The following SAMD4A variants were observed in gnomAD, a reference collection of about 807,000 sequenced individuals.
SAMD4A encodes the protein sterile alpha motif domain containing 4A.
In SAMD4A, 33 loss-of-function variants were observed where a neutral mutation model predicts 81.3. The ratio of observed to expected loss-of-function variants is 0.41; its 90% CI spans 0.31 to 0.54. SAMD4A has a LOEUF of 0.54. Ranked by LOEUF, SAMD4A falls within the 20% of genes least tolerant of loss-of-function variation. The pLI, the probability that SAMD4A is intolerant of heterozygous loss-of-function variation, is 0.37. For missense variants in SAMD4A, 854 were observed against 951.1 expected (o/e 0.90, Z 1.34); for synonymous variants, 389 against 382.1 (o/e 1.02, Z -0.21).
intron 2 of SAMD4A, among the ~76,000 whole-genome samples, chr14:54,654,956 A>G (rs1200481826): frequency 6.6e-6 from 1 of 152,220 alleles, no homozygotes; most frequent in Non-Finnish European, 1.5e-5. Context: ...TAGATAGTCC[A>G]TATAGCAGAG....
At chr14:54,762,980 G>A (rs894080479) in intron 7 of SAMD4A, among the ~76,000 whole-genome samples, 9 of 151,058 alleles carry the variant, frequency 6.0e-5, no homozygotes, top group East Asian at 2.0e-4. Context: ...TCAGCCTCCC[G>A]AGTAATTGGG....
chr14:54,572,860 G>A (rs1016883877), intron 2 of SAMD4A, among the ~76,000 whole-genome samples: 3 of 152,086 alleles, frequency 2.0e-5, no homozygotes, highest in Admixed American at 1.3e-4. Context: ...TTTTCTAAAT[G>A]ATCAGAAATC....
chr14:54,586,089 C>T (rs912877792), intron 2 of SAMD4A, among the ~76,000 whole-genome samples: 4 of 152,032 alleles, frequency 2.6e-5, no homozygotes, highest in East Asian at 3.9e-4. Context: ...ACCACATCCC[C>T]GCCAATATCT....
chr14:54,739,002 G>A (rs762928438), intron 4 of SAMD4A, among the ~76,000 whole-genome samples: 3 of 146,834 alleles, frequency 2.0e-5, no homozygotes, highest in Non-Finnish European at 3.0e-5. Flanking sequence ...CCACTGTCTG[G>A]TTTTTGGACA....
At chr14:54,613,132 G>GAA (rs1314034004) in intron 2 of SAMD4A, among the ~76,000 whole-genome samples, 12 of 103,426 alleles carry the variant, frequency 1.2e-4, no homozygotes, top group African/African-American at 1.6e-4. Flanking sequence ...AAAAGAGAGA[G>GAA]AGAGAAAGGA....
chr14:54,693,888 T>G (rs1277016079), intron 2 of SAMD4A: 1 of 152,114 alleles, frequency 6.6e-6, no homozygotes, highest in Non-Finnish European at 1.5e-5. Flanking sequence ...GGTGGGCAAT[T>G]TAAAATAGTG....
chr14:54,623,546 A>G (rs903773807), intron 2 of SAMD4A, among the ~76,000 whole-genome samples: 3 of 149,178 alleles, frequency 2.0e-5, no homozygotes, highest in South Asian at 2.2e-4. Context: ...AGATTATTCC[A>G]AAGTATTAAT....
At chr14:54,571,357 G>T (rs2033123102) in intron 2 of SAMD4A, among the ~76,000 whole-genome samples, 3 of 152,134 alleles carry the variant, frequency 2.0e-5, no homozygotes, top group Non-Finnish European at 4.4e-5. Context: ...CCTTAGATAA[G>T]TCTCTTCAGC....
At chr14:54,583,542 A>C (rs957801278) in intron 2 of SAMD4A, among the ~76,000 whole-genome samples, 3 of 152,162 alleles carry the variant, frequency 2.0e-5, no homozygotes, top group African/African-American at 7.2e-5. Context: ...CTGTAGTTGG[A>C]TATGATCTCC....
chr14:54,594,650 T>G (rs2033867008), intron 2 of SAMD4A, among the ~76,000 whole-genome samples: 1 of 152,198 alleles, frequency 6.6e-6, no homozygotes, highest in African/African-American at 2.4e-5. Flanking sequence ...GGTTAAATTT[T>G]TATCACTGAA....
At chr14:54,762,865 T>A (rs1157718738) in intron 7 of SAMD4A, among the ~76,000 whole-genome samples, 1 of 151,554 alleles carries the variant, frequency 6.6e-6, no homozygotes, top group Non-Finnish European at 1.5e-5. Context: ...TCACTTTTTT[T>A]TTTTTTTGAG....
At chr14:54,744,329 C>T (rs988039209) in intron 4 of SAMD4A, among the ~76,000 whole-genome samples, 5 of 152,198 alleles carry the variant, frequency 3.3e-5, no homozygotes, top group Admixed American at 3.3e-4. Flanking sequence ...ATTTCTGCAG[C>T]ATGCATTAGA....
At chr14:54,756,327 G>C (rs1431701032) in intron 6 of SAMD4A, among the ~76,000 whole-genome samples, 1 of 152,118 alleles carries the variant, frequency 6.6e-6, no homozygotes, top group Non-Finnish European at 1.5e-5. Context: ...AAGCTCTTCA[G>C]CTTCATCTCT....
chr14:54,665,875 C>G (rs1278817252), intron 2 of SAMD4A, among the ~76,000 whole-genome samples: 1 of 152,188 alleles, frequency 6.6e-6, no homozygotes, highest in Non-Finnish European at 1.5e-5. Flanking sequence ...TTGTCTCAAC[C>G]TGAAACCCCA....
rs34263162 is a variant in SAMD4A at position 54,737,561 on chromosome 14, T to TTTTTTTTG, written c.979+274_979+275insTTTTTTTG. On this transcript the variant is annotated intron_variant, in intron 4 of 12. Coordinates refer to ENST00000554335, the MANE Select transcript of SAMD4A (RefSeq NM_015589.6). ...CTCTCTCTTTTTTTTTTTTTTTTTTTGCATTGCAGTGACTTGTAGACCATT... is the reference window on the plus strand; with the variant it reads ...CTCTCTCTTTTTTTTTTTTTTTTTTTTTTTTTTGGCATTGCAGTGACTTGTAGACCATT... Among the ~76,000 whole-genome samples the TTTTTTTTG allele has an allele frequency of 2.2e-3, 274 of 122,612 alleles. 24 individuals carry two copies. Among genetic ancestry groups the TTTTTTTTG allele is most frequent in the African/African-American group, 7.3e-3 (236 of 32,156 alleles). The allele number at this position is 122,612 out of a possible 152,430, so 80.4% of individuals were successfully genotyped here. A position where few individuals can be genotyped will look rare whatever the true frequency, so the allele number is the denominator to read the frequency against.
At chr14:54,627,204 C>A (rs2034784943) in intron 2 of SAMD4A, among the ~76,000 whole-genome samples, 1 of 152,130 alleles carries the variant, frequency 6.6e-6, no homozygotes, top group South Asian at 2.1e-4. Flanking sequence ...GAAAAACTGT[C>A]TTGGAAAAAG....
chr14:54,613,825 T>C (rs2034425340), intron 2 of SAMD4A, among the ~76,000 whole-genome samples: 1 of 152,220 alleles, frequency 6.6e-6, no homozygotes, highest in Non-Finnish European at 1.5e-5. Context: ...TTTCAGAGGA[T>C]CTGCAAGGTC....
intron 6 of SAMD4A, among the ~76,000 whole-genome samples, chr14:54,759,013 G>C (rs1007235169): frequency 2.0e-5 from 3 of 152,058 alleles, no homozygotes; most frequent in Non-Finnish European, 4.4e-5. Flanking sequence ...CAAGTGTTTG[G>C]GCCTCTGTGA....
intron 3 of SAMD4A, among the ~76,000 whole-genome samples, chr14:54,720,531 A>AGCCCATTACCAT (rs2037234564): frequency 6.6e-6 from 1 of 152,066 alleles, no homozygotes; most frequent in South Asian, 2.1e-4. Context: ...CTCATGGACT[A>AGCCCATTACCAT]GCCCATTACC....
Sources: allele counts gnomAD v4.1 joint callset (sites outside exome capture counted in the v4.1 genomes callset), GRCh38; gene constraint gnomAD v4.1.1; transcripts MANE v1.5; gene names NCBI Gene and HGNC (gene_info 2026-07-23, HGNC 2026-07-21).